Variants in IGF1R observed in about 807,000 individuals in gnomAD.
The protein encoded by IGF1R is insulin-like growth factor 1 receptor.
In IGF1R, 44 loss-of-function variants were observed where a neutral mutation model predicts 144.6. That is an observed-to-expected ratio of 0.30 (90% confidence interval 0.24 to 0.39). The LOEUF (loss-of-function observed/expected upper bound fraction) is 0.39. Ranked by LOEUF, IGF1R falls within the 10% of genes least tolerant of loss-of-function variation. IGF1R has a pLI of 1.00. For synonymous variants in IGF1R, 795 were observed against 722.8 expected (o/e 1.10, Z -1.60); for missense variants, 1,355 against 1,833.7 (o/e 0.74, Z 4.77).
chr15:98,858,521 C>T (rs1567164775), intron 2 of IGF1R, among the ~76,000 whole-genome samples: 1 of 152,180 alleles, frequency 6.6e-6, no homozygotes, highest in Non-Finnish European at 1.5e-5. Context: ...CCTCCCTCTC[C>T]CCTCTTGAAA....
intron 6 of IGF1R, among the ~76,000 whole-genome samples, chr15:98,910,203 C>T (rs2014948333): frequency 6.6e-6 from 1 of 152,214 alleles, no homozygotes; most frequent in African/African-American, 2.4e-5. Flanking sequence ...CTCCCGCCCC[C>T]TGCTCACTCT....
intron 18 of IGF1R, among the ~76,000 whole-genome samples, chr15:98,941,495 G>C (rs1220593657): frequency 6.6e-6 from 1 of 152,150 alleles, no homozygotes; most frequent in Non-Finnish European, 1.5e-5. Flanking sequence ...TTTTTCATTT[G>C]TGCTGAGGAA....
chr15:98,753,304 C>A (rs1185503507), intron 2 of IGF1R, among the ~76,000 whole-genome samples: 1 of 150,800 alleles, frequency 6.6e-6, no homozygotes, highest in African/African-American at 2.4e-5. Flanking sequence ...GCAGCCTTGA[C>A]CTCCTCTGCT....
chr15:98,941,883 TAAGAA>T (rs764369773), intron 18 of IGF1R, among the ~76,000 whole-genome samples: 2 of 152,120 alleles, frequency 1.3e-5, no homozygotes, highest in South Asian at 2.1e-4. Flanking sequence ...AGAGTCCACT[TAAGAA>T]AAGGTTGTAT....
At chr15:98,791,657 T>C (rs1596307858) in intron 2 of IGF1R, among the ~76,000 whole-genome samples, 4 of 152,348 alleles carry the variant, frequency 2.6e-5, no homozygotes, top group East Asian at 1.9e-4. Flanking sequence ...TTTAAAATTT[T>C]AAGTTGGTGA....
chr15:98,739,356 G>T (rs995645389), intron 2 of IGF1R, among the ~76,000 whole-genome samples: 5 of 152,098 alleles, frequency 3.3e-5, no homozygotes, highest in Non-Finnish European at 5.9e-5. Flanking sequence ...TCTTAGGCCT[G>T]CGTGCTGTGT....
chr15:98,794,064 G>A (rs2056186088), intron 2 of IGF1R, among the ~76,000 whole-genome samples: 1 of 152,192 alleles, frequency 6.6e-6, no homozygotes, highest in Admixed American at 6.5e-5. Flanking sequence ...TCCCTAGAAA[G>A]GAAATGTTGG....
At chr15:98,840,615 T>C (rs1480794508) in intron 2 of IGF1R, among the ~76,000 whole-genome samples, 2 of 151,942 alleles carry the variant, frequency 1.3e-5, no homozygotes. Flanking sequence ...CACAACTGGC[T>C]AATTATTTAT....
intron 15 of IGF1R, among the ~76,000 whole-genome samples, chr15:98,933,269 T>C (rs1484616311): frequency 6.6e-6 from 1 of 152,244 alleles, no homozygotes; most frequent in African/African-American, 2.4e-5. Flanking sequence ...TTTGGTTTTG[T>C]TTTCTTTCTT....
chr15:98,650,792 C>A, intron 1 of IGF1R: 2 of 623,722 alleles, frequency 3.2e-6, no homozygotes, highest in Non-Finnish European at 4.0e-6. Context: ...TCTGCCGCCC[C>A]GCACTTCCTT....
chr15:98,751,664 CT>C (rs1327318461), intron 2 of IGF1R, among the ~76,000 whole-genome samples: 3 of 152,152 alleles, frequency 2.0e-5, no homozygotes, highest in African/African-American at 4.8e-5. Context: ...CAATACGTCC[CT>C]TGAAATAGGA....
chr15:98,788,058 CTCTCTGTGTGTGTGTG>C (rs980479097), intron 2 of IGF1R, among the ~76,000 whole-genome samples: 3 of 128,010 alleles, frequency 2.3e-5, no homozygotes, highest in African/African-American at 9.1e-5. Flanking sequence ...CTCTCTCTCT[CTCTCTGTGTGTGTGTG>C]TGTGTGTGTG....
At chr15:98,701,044 G>A (rs1398260417) in intron 1 of IGF1R, among the ~76,000 whole-genome samples, 1 of 152,118 alleles carries the variant, frequency 6.6e-6, no homozygotes. Context: ...CAGAGTGATA[G>A]TGTCTAGAGA....
At chr15:98,790,519 C>T (rs887024640) in intron 2 of IGF1R, among the ~76,000 whole-genome samples, 1 of 152,070 alleles carries the variant, frequency 6.6e-6, no homozygotes, top group Admixed American at 6.6e-5. Context: ...AGTCTGGGAG[C>T]GGTGAAGGCT....
Position 98,908,916 on chromosome 15 carries a change from A to C in IGF1R, c.1462+17A>C, listed in dbSNP as rs2014858893. 1.2e-6 allele frequency: 2 copies of C among 1,605,892 alleles called. No individual in the cohort carries two copies. Among genetic ancestry groups the C allele is most frequent in the South Asian group, 2.2e-5 (2 of 90,404 alleles). On this transcript the variant is annotated intron_variant, in intron 6 of 20. Coordinates refer to ENST00000650285, the MANE Select transcript of IGF1R (RefSeq NM_000875.5). The stretch of plus-strand genomic sequence containing the variant: ...GAGCCTCCTGTGAGTGACAGCATCC[A>C]AAACACCGTGGGCCCAACCATCATG...
At chr15:98,867,077 A>G (rs1398386944) in intron 2 of IGF1R, among the ~76,000 whole-genome samples, 1 of 151,868 alleles carries the variant, frequency 6.6e-6, no homozygotes, top group Non-Finnish European at 1.5e-5. Flanking sequence ...GCCTCTCACA[A>G]TGGAGGTTTA....
At chr15:98,709,233 G>C (rs935979864) in intron 2 of IGF1R, among the ~76,000 whole-genome samples, 3 of 152,248 alleles carry the variant, frequency 2.0e-5, no homozygotes, top group African/African-American at 7.2e-5. Context: ...AGACCCCACA[G>C]GGGTGAAGTG....
chr15:98,888,436 A>AGTGTGTGTGT (rs1213205397), intron 2 of IGF1R, among the ~76,000 whole-genome samples: 1 of 16,708 alleles, frequency 6.0e-5, no homozygotes, highest in Admixed American at 1.1e-3. Context: ...AGAGAGAGAG[A>AGTGTGTGTGT]GAGTGTGTGT....
intron 20 of IGF1R, among the ~76,000 whole-genome samples, chr15:98,949,409 C>T (rs911084822): frequency 8.5e-5 from 12 of 141,862 alleles, no homozygotes; most frequent in African/African-American, 2.1e-4. Flanking sequence ...GATGGAGTCT[C>T]GCTCTGTCGC....
Sources: gnomAD v4.1 joint callset for allele counts (sites outside exome capture counted in the v4.1 genomes callset) on GRCh38, gnomAD v4.1.1 for gene constraint, MANE v1.5 for transcripts, NCBI Gene and HGNC (gene_info 2026-07-23, HGNC 2026-07-21) for gene names.